Variants in ROR2 observed in about 807,000 individuals in gnomAD.
The protein encoded by ROR2 is ROR family WNT receptor 2.
Under a neutral mutation model 74.9 loss-of-function variants are expected in ROR2, and 33 were observed. The observed-to-expected ratio is 0.44, with a 90% confidence interval of 0.33 to 0.59. The LOEUF (loss-of-function observed/expected upper bound fraction) is 0.59. ROR2 is among the 20% of genes least tolerant of loss of function. ROR2 has a pLI of 0.02. For synonymous variants in ROR2, 586 were observed against 558.7 expected (o/e 1.05, Z -0.69); for missense variants, 1,216 against 1,313.8 (o/e 0.93, Z 1.15).
intron 4 of ROR2, among the ~76,000 whole-genome samples, chr9:91,748,294 A>G (rs964901353): frequency 2.7e-5 from 4 of 146,544 alleles, no homozygotes. Flanking sequence ...AAAAAATGCC[A>G]AAGAGAATAG....
At chr9:91,847,910 G>A (rs1355730597) in intron 1 of ROR2, among the ~76,000 whole-genome samples, 1 of 152,158 alleles carries the variant, frequency 6.6e-6, no homozygotes, top group African/African-American at 2.4e-5. Flanking sequence ...GCCAGCTTCA[G>A]CAGAACTCCT....
At chr9:91,866,268 C>T (rs537251153) in intron 1 of ROR2, among the ~76,000 whole-genome samples, 1 of 152,042 alleles carries the variant, frequency 6.6e-6, no homozygotes, top group African/African-American at 2.4e-5. Flanking sequence ...TACAGGCGTG[C>T]ACCACCACAC....
chr9:91,799,281 C>A (rs984786473), intron 1 of ROR2, among the ~76,000 whole-genome samples: 1 of 152,154 alleles, frequency 6.6e-6, no homozygotes, highest in Non-Finnish European at 1.5e-5. Flanking sequence ...GGGAGGTGCC[C>A]CTTGGCCTCT....
At chr9:91,857,309 C>A (rs1358985139) in intron 1 of ROR2, among the ~76,000 whole-genome samples, 1 of 152,198 alleles carries the variant, frequency 6.6e-6, no homozygotes, top group Non-Finnish European at 1.5e-5. Flanking sequence ...CACCCGCAGC[C>A]AGGCTTGACC....
chr9:91,830,172 A>G (rs1230836956), intron 1 of ROR2, among the ~76,000 whole-genome samples: 1 of 152,184 alleles, frequency 6.6e-6, no homozygotes, highest in Admixed American at 6.5e-5. Context: ...TATGTCATTT[A>G]TACTATTTCT....
At chr9:91,814,496 A>G (rs1246090369) in intron 1 of ROR2, among the ~76,000 whole-genome samples, 1 of 152,152 alleles carries the variant, frequency 6.6e-6, no homozygotes, top group Non-Finnish European at 1.5e-5. Flanking sequence ...CCCCTCCATG[A>G]CTGCCAGCCG....
chr9:91,761,344 AT>A (rs1291127180), intron 2 of ROR2, among the ~76,000 whole-genome samples: 3 of 152,152 alleles, frequency 2.0e-5, no homozygotes, highest in Non-Finnish European at 4.4e-5. Flanking sequence ...CTTTATTTCT[AT>A]TTATTTATAC....
chr9:91,909,513 A>ATTTTTTTTT (rs36122642), intron 1 of ROR2, among the ~76,000 whole-genome samples: 1 of 136,292 alleles, frequency 7.3e-6, no homozygotes, highest in Non-Finnish European at 1.6e-5. Flanking sequence ...CATCCAACTA[A>ATTTTTTTTT]TTTTTTTTTT....
At chr9:91,784,039 C>T (rs1477068478) in intron 1 of ROR2, among the ~76,000 whole-genome samples, 1 of 152,156 alleles carries the variant, frequency 6.6e-6, no homozygotes, top group Non-Finnish European at 1.5e-5. Context: ...CCCTGAAAGC[C>T]AACTCAGAAA....
intron 4 of ROR2, among the ~76,000 whole-genome samples, chr9:91,744,254 C>T (rs1381622678): frequency 9.2e-6 from 1 of 108,954 alleles, no homozygotes; most frequent in African/African-American, 3.6e-5. Flanking sequence ...CAGAGTATTG[C>T]TCTGTCGCTC....
intron 1 of ROR2, among the ~76,000 whole-genome samples, chr9:91,926,833 T>G (rs906913173): frequency 6.6e-5 from 10 of 152,030 alleles, no homozygotes; most frequent in African/African-American, 2.4e-4. Context: ...TGCCAGGAAC[T>G]CAGGAGCGGG....
At chr9:91,806,439 C>T (rs1827549597) in intron 1 of ROR2, among the ~76,000 whole-genome samples, 1 of 152,224 alleles carries the variant, frequency 6.6e-6, no homozygotes, top group African/African-American at 2.4e-5. Flanking sequence ...CCCTACACCT[C>T]CTAATACCAT....
At chr9:91,948,043 T>C (rs765268194) in intron 1 of ROR2, among the ~76,000 whole-genome samples, 8 of 152,172 alleles carry the variant, frequency 5.3e-5, no homozygotes, top group Admixed American at 1.3e-4. Flanking sequence ...ACGACTCCAA[T>C]TGCTTTGTTC....
At chr9:91,910,265 G>A (rs1158857695) in intron 1 of ROR2, among the ~76,000 whole-genome samples, 1 of 152,208 alleles carries the variant, frequency 6.6e-6, no homozygotes, top group East Asian at 1.9e-4. Flanking sequence ...ATTTCAGACT[G>A]GAGATTGAAT....
chr9:91,733,548 GC>G lies in ROR2; in HGVS notation c.623-113del. The G allele has an allele frequency of 8.7e-7, 1 of 1,146,544 alleles. No individual in the cohort carries two copies. The highest frequency in any genetic ancestry group is 1.2e-6 in the Non-Finnish European group (1 of 820,068). 71.0% of individuals were successfully genotyped at this position (1,146,544 alleles called of 1,614,324 possible). A position where few individuals can be genotyped will look rare whatever the true frequency, so the allele number is the denominator to read the frequency against. ...CAGACTGCCCACTCAGCCCCCTGAT[GC>G]CCCGCCCCGCCCCAGACTCCCCAAC... On this transcript the variant is annotated intron_variant, in intron 5 of 8. Coordinates refer to ENST00000375708, the MANE Select transcript of ROR2 (RefSeq NM_004560.4). This position sits in a 1 kb window ranked among gnomAD's most constrained non-coding sequence, Gnocchi z 5.7.
At chr9:91,731,673 T>C (rs1837248398) in intron 6 of ROR2, among the ~76,000 whole-genome samples, 1 of 152,096 alleles carries the variant, frequency 6.6e-6, no homozygotes, top group Admixed American at 6.5e-5. Context: ...TGGGGCACCG[T>C]GGCTAACAAG....
At chr9:91,943,107 C>T (rs931443615) in intron 1 of ROR2, among the ~76,000 whole-genome samples, 1 of 152,196 alleles carries the variant, frequency 6.6e-6, no homozygotes, top group Non-Finnish European at 1.5e-5. Flanking sequence ...GCAACTCCTT[C>T]AAGTTGGCCC....
chr9:91,940,313 T>C (rs1243400771), intron 1 of ROR2, among the ~76,000 whole-genome samples: 1 of 152,164 alleles, frequency 6.6e-6, no homozygotes, highest in Non-Finnish European at 1.5e-5. Flanking sequence ...GACTGTTAAG[T>C]AGGCCGGGGG....
rs534387399 is a variant in ROR2, at chr9:91,769,901, C to A, written c.175+5840G>T. On this transcript the variant is annotated intron_variant, in intron 2 of 8. Transcript: ENST00000375708. Reference sequence around the variant, plus strand: ...GGACGTTTTCAGAGACTCTGAGCGCCCAGCATGCTGTGGGCTTCGGTAAAT... The same window carrying A: ...GGACGTTTTCAGAGACTCTGAGCGCACAGCATGCTGTGGGCTTCGGTAAAT... Among the ~76,000 whole-genome samples, 245 of 152,270 alleles carry A rather than the reference C, an allele frequency of 1.6e-3. 1 individual carries two copies. Among genetic ancestry groups the A allele is most frequent in the African/African-American group, 5.7e-3 (238 of 41,560 alleles).
Sources: allele counts gnomAD v4.1 joint callset (sites outside exome capture counted in the v4.1 genomes callset), GRCh38; gene constraint gnomAD v4.1.1; non-coding constraint Gnocchi (gnomAD v3.1); transcripts MANE v1.5; gene names NCBI Gene and HGNC (gene_info 2026-07-23, HGNC 2026-07-21).